Variants in TENM1 observed in about 807,000 individuals in gnomAD.
TENM1 encodes the protein teneurin-1.
A neutral mutation model predicts 174.8 loss-of-function variants in TENM1; 35 were observed. That is an observed-to-expected ratio of 0.20 (90% CI 0.15 to 0.27). The LOEUF is 0.27. TENM1 is among the 10% of genes least tolerant of loss of function. TENM1 has a pLI of 1.00. For synonymous variants in TENM1, 781 were observed against 798.7 expected (o/e 0.98, Z 0.37); for missense variants, 1,633 against 2,130.1 (o/e 0.77, Z 4.59).
the TENM1 span, among the ~76,000 whole-genome samples, chrX:125,090,248 A>G: frequency 5.4e-5 from 6 of 112,028 alleles, no homozygotes; most frequent in Admixed American, 5.7e-4. Context: ...CTATGCTAGA[A>G]GCTTGAGAAA....
intron 4 of TENM1, among the ~76,000 whole-genome samples, chrX:124,707,026 A>T (rs1163865985): frequency 9.9e-6 from 1 of 101,360 alleles, no homozygotes; most frequent in African/African-American, 3.7e-5. Flanking sequence ...CATTCACTGC[A>T]CTCCAGCCTG....
the TENM1 span, among the ~76,000 whole-genome samples, chrX:125,164,563 T>C: frequency 8.9e-6 from 1 of 111,938 alleles, no homozygotes; most frequent in Non-Finnish European, 1.9e-5. Flanking sequence ...AGGATAACAT[T>C]TGAAATGTCA....
At chrX:124,822,352 A>T (rs1203666957) in intron 3 of TENM1, among the ~76,000 whole-genome samples, 1 of 112,302 alleles carries the variant, frequency 8.9e-6, no homozygotes, top group Non-Finnish European at 1.9e-5. Context: ...TTGTTGTGTC[A>T]TTTCGTTACA....
At chrX:125,182,356 A>C in the TENM1 span, among the ~76,000 whole-genome samples, 1 of 104,309 alleles carries the variant, frequency 9.6e-6, no homozygotes, top group African/African-American at 3.5e-5. Context: ...TAGTAACCTT[A>C]ATTCCATTTG....
chrX:124,713,940 A>T (rs1314789019), intron 4 of TENM1, among the ~76,000 whole-genome samples: 1 of 112,405 alleles, frequency 8.9e-6, no homozygotes, highest in African/African-American at 3.2e-5. Flanking sequence ...TAGTTGATTC[A>T]CATTTCATGT....
At chrX:124,905,676 G>A (rs2057736710) in intron 1 of TENM1, among the ~76,000 whole-genome samples, 1 of 111,704 alleles carries the variant, frequency 9.0e-6, no homozygotes, top group Non-Finnish European at 1.9e-5. Flanking sequence ...TCTTTGAGTT[G>A]AGAAGACTAA....
At chrX:124,378,269 CA>C (rs745515124) in exon 32 of TENM1, 24 of 112,207 alleles carry the variant, frequency 2.1e-4, no homozygotes, top group Non-Finnish European at 3.2e-4. Context: ...CAATGAATTG[CA>C]AAAACGTATA....
At chrX:124,751,444 A>G (rs1489455101) in intron 3 of TENM1, among the ~76,000 whole-genome samples, 1 of 111,703 alleles carries the variant, frequency 9.0e-6, no homozygotes, top group Non-Finnish European at 1.9e-5. Context: ...AACTCTAGAA[A>G]TAGTATCACT....
At chrX:124,739,490 T>C (rs2053751762) in intron 3 of TENM1, among the ~76,000 whole-genome samples, 1 of 111,342 alleles carries the variant, frequency 9.0e-6, no homozygotes, top group South Asian at 3.8e-4. Context: ...TTACTCTTTT[T>C]CTGTACGTGT....
intron 3 of TENM1, among the ~76,000 whole-genome samples, chrX:124,851,928 A>G (rs1202475097): frequency 9.0e-6 from 1 of 111,449 alleles, no homozygotes; most frequent in Non-Finnish European, 1.9e-5. Flanking sequence ...TAAACGATAC[A>G]GAATGCTCTA....
intron 11 of TENM1, among the ~76,000 whole-genome samples, chrX:124,580,720 A>C (rs758373050): frequency 1.8e-5 from 2 of 111,294 alleles, no homozygotes; most frequent in East Asian, 5.6e-4. Context: ...ATTTCATTAA[A>C]AAGTTTTTTT....
chrX:125,170,545 A>G, the TENM1 span, among the ~76,000 whole-genome samples: 3 of 111,459 alleles, frequency 2.7e-5, no homozygotes, highest in Non-Finnish European at 3.8e-5. Flanking sequence ...CACATTCAAG[A>G]GAAAAGAACA....
At chrX:124,861,169 T>C (rs1488619478) in intron 3 of TENM1, among the ~76,000 whole-genome samples, 2 of 112,142 alleles carry the variant, frequency 1.8e-5, no homozygotes, top group Non-Finnish European at 3.8e-5. Context: ...ATTTATGTAT[T>C]GAGGGCGAGT....
intron 3 of TENM1, among the ~76,000 whole-genome samples, chrX:124,849,411 CTCTT>C (rs754275792): frequency 3.7e-5 from 4 of 108,632 alleles, no homozygotes; most frequent in East Asian, 2.8e-4. Flanking sequence ...TTCTGCCTCT[CTCTT>C]TCTTTTTTTC....
intron 3 of TENM1, among the ~76,000 whole-genome samples, chrX:124,776,670 C>T (rs774151155): frequency 4.5e-5 from 5 of 111,457 alleles, no homozygotes; most frequent in African/African-American, 1.6e-4. Context: ...TTCAGTATGT[C>T]ATAAATATTT....
At position 124,916,466 on chromosome X, in the gene TENM1, C is replaced by T. The variant is rs1163287607; in HGVS notation, c.218-20225G>A. ...GGGACCACAGGTGTACATCACTATG[C>T]CCAACTAAATTTTTTAAAAGATTTT... On this transcript the variant is annotated intron_variant, in intron 1 of 31. Transcript: ENST00000422452. Among the ~76,000 whole-genome samples the T allele has an allele frequency of 2.7e-5, 3 of 111,099 alleles. No individual in the cohort carries two copies. In the South Asian group the frequency reaches 1.2e-3, roughly 43 times the overall value.
chrX:125,050,183 C>T, the TENM1 span, among the ~76,000 whole-genome samples: 33,653 of 107,657 alleles, frequency 0.31, 5,926 homozygotes, highest in African/African-American at 0.67. Flanking sequence ...TATTATACTT[C>T]AAGTTTTAGG....
chrX:124,554,261 A>C (rs1229205890), intron 14 of TENM1, among the ~76,000 whole-genome samples: 1 of 112,745 alleles, frequency 8.9e-6, no homozygotes, highest in African/African-American at 3.2e-5. Flanking sequence ...CTTCATTGAT[A>C]ACACACTTTT....
chrX:124,599,830 G>A (rs181179921), intron 11 of TENM1, among the ~76,000 whole-genome samples: 2 of 110,205 alleles, frequency 1.8e-5, no homozygotes, highest in East Asian at 5.7e-4. Context: ...AATATATAAA[G>A]GATAAGGGGA....
Sources: allele counts gnomAD v4.1 joint callset (sites outside exome capture counted in the v4.1 genomes callset), GRCh38; gene constraint gnomAD v4.1.1; transcripts MANE v1.5; gene names NCBI Gene and HGNC (gene_info 2026-07-23, HGNC 2026-07-21).